FEM1A: variants seen among roughly 807,000 people sequenced by gnomAD.
The protein encoded by FEM1A is protein fem-1 homolog A.
Under a neutral mutation model 0.7 loss-of-function variants are expected in FEM1A, and 1 was observed. The ratio of observed to expected loss-of-function variants is 1.35; its 90% CI spans 0.48 to 6.40. The LOEUF (loss-of-function observed/expected upper bound fraction) is 6.40, where lower values mean the gene tolerates loss of function less well. Ranked by LOEUF, FEM1A falls within the 30% of genes most tolerant of loss-of-function variation. FEM1A has a pLI of 0.14. For missense variants in FEM1A, 721 were observed against 918.7 expected, an observed-to-expected ratio of 0.78 and a Z score of 2.78; for synonymous variants, 391 against 420.6, an observed-to-expected ratio of 0.93 and a Z score of 0.86.
Position 4,792,073 on chromosome 19 carries a change from G to A in FEM1A, c.219G>A (p.Ser73=), listed in dbSNP as rs1467625054. Residue 73 remains serine, a synonymous_variant, in exon 1 of 1, where the codon TCG becomes TCA. Coordinates refer to ENST00000269856, the MANE Select transcript of FEM1A (RefSeq NM_018708.3). This position sits in a 1 kb window ranked among gnomAD's most constrained non-coding sequence, Gnocchi z 6.7. The stretch of plus-strand genomic sequence containing the variant: ...GCGCGAGCGTGGAGGCCGGTGGCTC[G>A]GTGCACTTCGATGGCGAGACCATCG... ...RCGASVEAGG[S]VHFDGETIEG... is the part of the protein sequence containing the mutation. 1.4e-5 allele frequency: 21 copies of A among 1,533,202 alleles called. No individual in the cohort carries two copies. In the East Asian group the frequency reaches 2.5e-4, roughly 18 times the overall value. The allele number at this position is 1,533,202 out of a possible 1,614,324, so 95.0% of individuals were successfully genotyped here.
chr19:4,791,735 A>C lies in FEM1A; in HGVS notation c.-120A>C, dbSNP rs947901195. On this transcript the variant is annotated 5_prime_UTR_variant, in exon 1 of 1. Transcript: ENST00000269856. ...CGCGGCAGCCATTTTGTTCCGCCCG[A>C]GGAGACCCTAAGATGGCGGCGAGGG... The C allele has an allele frequency of 2.8e-6, 3 of 1,075,258 alleles. No individual in the cohort carries two copies. In the African/African-American group the frequency reaches 5.1e-5, roughly 18 times the overall value. 66.6% of individuals were successfully genotyped at this position (1,075,258 alleles called of 1,614,324 possible).
rs2093566614 is a variant in FEM1A, at chr19:4,799,976, ATAGTAAAATGACTAC to A, written c.*6113_*6127del. ...TGGAGGGTAGCAAAAAATGTTCACA[ATAGTAAAATGACTAC>A]CTGCCGTTGATCAGTGAAGAAAAAA... On this transcript the variant is annotated 3_prime_UTR_variant, in exon 1 of 1. Coordinates refer to ENST00000269856, the MANE Select transcript of FEM1A (RefSeq NM_018708.3). 6.6e-6 allele frequency: 1 copy of A among 150,706 alleles called. No individual in the cohort carries two copies. The highest frequency in any genetic ancestry group is 2.4e-5 in the African/African-American group (1 of 41,044). 9.3% of individuals were successfully genotyped at this position (150,706 alleles called of 1,614,324 possible). A position where few individuals can be genotyped will look rare whatever the true frequency, so the allele number is the denominator to read the frequency against.
rs2093557258 is a variant in FEM1A at position 4,793,470 on chromosome 19, T to C, written c.1616T>C (p.Leu539Pro). 3.1e-6 allele frequency: 5 copies of C among 1,612,478 alleles called. No individual in the cohort carries two copies. The highest frequency in any genetic ancestry group is 4.2e-6 in the Non-Finnish European group (5 of 1,179,862). The change falls in exon 1 of 1, where the codon CTG becomes CCG. Residue 539 changes from leucine to proline, a missense_variant. Physicochemically the swap from Leu to Pro is moderately conservative, Grantham distance 98. This residue lies in a region of FEM1A where 379 missense variants were observed against 454.8 expected (regional missense o/e 0.83). Transcript: ENST00000269856. This position sits in a 1 kb window ranked among gnomAD's most constrained non-coding sequence, Gnocchi z 5.1. Reference protein sequence around the residue: ...APRGKNGFTPLHMAVDKDTTN... With the variant: ...APRGKNGFTPPHMAVDKDTTN... ...AGGGGCAAGAACGGCTTCACCCCTC[T>C]GCACATGGCTGTGGACAAGGACACC...
In FEM1A at chr19:4,795,240, G is replaced by C. The variant is rs2093559786; in HGVS notation, c.*1376G>C. On this transcript the variant is annotated 3_prime_UTR_variant, in exon 1 of 1. Coordinates refer to ENST00000269856, the MANE Select transcript of FEM1A (RefSeq NM_018708.3). ...CGGGAGCAGGTTCTTGGCCAGCGTA[G>C]ACAGCAGCAAACAGCAGCAGGGAAG... 1 of 167,108 alleles carries C rather than the reference G, an allele frequency of 6.0e-6. No individual in the cohort carries two copies. The highest frequency in any genetic ancestry group is 2.4e-5 in the African/African-American group (1 of 41,430). 10.4% of individuals were successfully genotyped at this position (167,108 alleles called of 1,614,324 possible).
chr19:4,796,729 C>G lies in FEM1A; in HGVS notation c.*2865C>G, dbSNP rs1416981303. On this transcript the variant is annotated 3_prime_UTR_variant, in exon 1 of 1. Coordinates refer to ENST00000269856, the MANE Select transcript of FEM1A (RefSeq NM_018708.3). ...GTCCGGTTAATCCCTGTGCGCCCGC[C>G]TCACGTGGCAGTGGGGAGAGGCCCT... 1 of 152,408 alleles carries G rather than the reference C, an allele frequency of 6.6e-6. No individual in the cohort carries two copies. The highest frequency in any genetic ancestry group is 1.5e-5 in the Non-Finnish European group (1 of 68,194). 9.4% of individuals were successfully genotyped at this position (152,408 alleles called of 1,614,324 possible).
rs756935237 is a variant in FEM1A at position 4,793,214 on chromosome 19, A to G, written c.1360A>G (p.Ser454Gly). The G allele has an allele frequency of 1.2e-6, 2 of 1,613,540 alleles. No individual in the cohort carries two copies. The highest frequency in any genetic ancestry group is 8.5e-7 in the Non-Finnish European group (1 of 1,180,042). ...YVLQDRAAKG[S>G]LGTQIGFADL... is the part of the protein sequence containing the mutation. Reference sequence around the variant, plus strand: ...GCTTCAGGACCGGGCCGCCAAAGGCAGCCTGGGCACCCAGATCGGCTTTGC... The same window carrying G: ...GCTTCAGGACCGGGCCGCCAAAGGCGGCCTGGGCACCCAGATCGGCTTTGC... The change falls in exon 1 of 1, where the codon AGC becomes GGC. Residue 454 changes from serine (S) to glycine (G), a missense_variant. Ser to Gly is a moderately conservative substitution (Grantham distance 56, BLOSUM62 0). Transcript: ENST00000269856. This position sits in a 1 kb window ranked among gnomAD's most constrained non-coding sequence, Gnocchi z 5.1.
In FEM1A at chr19:4,792,352, C is replaced by T. The variant is rs1210688322; in HGVS notation, c.498C>T (p.Ala166=). The T allele has an allele frequency of 1.9e-6, 3 of 1,594,746 alleles. No individual in the cohort carries two copies. Among genetic ancestry groups the T allele is most frequent in the South Asian group, 2.2e-5 (2 of 90,866 alleles). ...GCTACAAGGGCCACCGTGAGATCGC[C>T]CGCTACCTGCTGGAGCAGGGCGCCC... ...ISCYKGHREI[A]RYLLEQGAQV... The change falls in exon 1 of 1, where the codon GCC becomes GCT. Residue 166 remains alanine, a synonymous_variant. Transcript: ENST00000269856. The surrounding 1 kb of genome is among the most constrained non-coding windows in gnomAD (Gnocchi z 6.7).
rs1391906082 is a variant in FEM1A at position 4,795,304 on chromosome 19, G to C, written c.*1440G>C. On this transcript the variant is annotated 3_prime_UTR_variant, in exon 1 of 1. Transcript: ENST00000269856. ...ATCCTCCCTGCAGTAGCCACGGCCA[G>C]GCCCTTAGGAGGAGCAGTGACCGGG... 3.0e-5 allele frequency: 5 copies of C among 166,834 alleles called. No homozygotes were observed. The East Asian group carries it at 9.7e-4, about 32-fold the overall frequency. The allele number at this position is 166,834 out of a possible 1,614,324, so 10.3% of individuals were successfully genotyped here.
In FEM1A at chr19:4,797,770, C is replaced by CAAAAAAAAAAAAAAAAAAAAAAAAAAAAA. The variant is rs761810690; in HGVS notation, c.*3927_*3928insAAAAAAAAAAAAAAAAAAAAAAAAAAAAA. 1.3e-5 allele frequency: 1 copy of CAAAAAAAAAAAAAAAAAAAAAAAAAAAAA among 76,476 alleles called. No homozygotes were observed. 4.7% of individuals were successfully genotyped at this position (76,476 alleles called of 1,614,324 possible). A position where few individuals can be genotyped will look rare whatever the true frequency, so the allele number is the denominator to read the frequency against. On this transcript the variant is annotated 3_prime_UTR_variant, in exon 1 of 1. Coordinates refer to ENST00000269856, the MANE Select transcript of FEM1A (RefSeq NM_018708.3). The stretch of plus-strand genomic sequence containing the variant: ...GCAGCAAAGTGAGATCCTGTCTCTA[C>CAAAAAAAAAAAAAAAAAAAAAAAAAAAAA]AAAAAAAAAAAAAAAAAAAAATTAG...
Position 4,798,488 on chromosome 19 carries a change from T to C in FEM1A, c.*4624T>C, listed in dbSNP as rs2005788. ...AGCCAGGCATGGTGGTGGGCGCTTG[T>C]AGTCCCAGCTACTCGGGAGGCTGAG... On this transcript the variant is annotated 3_prime_UTR_variant, in exon 1 of 1. Coordinates refer to ENST00000269856, the MANE Select transcript of FEM1A (RefSeq NM_018708.3). The C allele has an allele frequency of 0.33, 49,471 of 150,516 alleles. 8,396 individuals carry two copies. The highest frequency in any genetic ancestry group is 0.42 in the African/African-American group (17,238 of 40,890). 9.3% of individuals were successfully genotyped at this position (150,516 alleles called of 1,614,324 possible). A position where few individuals can be genotyped will look rare whatever the true frequency, so the allele number is the denominator to read the frequency against.
At position 4,791,921 on chromosome 19, in the gene FEM1A, C is replaced by T; in HGVS notation, c.67C>T (p.Leu23Phe). The change falls in exon 1 of 1, where the codon CTC becomes TTC. Residue 23 changes from leucine to phenylalanine, a missense_variant. Physicochemically the swap from Leu to Phe is conservative, Grantham distance 22 (BLOSUM62 0). Around this residue, in one of 4 missense-constraint regions of FEM1A, gnomAD observed 195 missense variants for 316.9 expected, o/e 0.62. Transcript: ENST00000269856. The stretch of plus-strand genomic sequence containing the variant: ...CAAGCTGCAGCTGCTCCAGAAGCTG[C>T]TCAGCGGCCGGAGCCGGGAGGAACT... The part of the protein sequence containing the change: ...DGKLQLLQKL[L>F]SGRSREELDE... The T allele has an allele frequency of 6.6e-7, 1 of 1,525,742 alleles. No individual in the cohort carries two copies. The highest frequency in any genetic ancestry group is 8.7e-7 in the Non-Finnish European group (1 of 1,143,348). 94.5% of individuals were successfully genotyped at this position (1,525,742 alleles called of 1,614,324 possible). A position where few individuals can be genotyped will look rare whatever the true frequency, so the allele number is the denominator to read the frequency against.
At position 4,793,231 on chromosome 19, in the gene FEM1A, C is replaced by T. The variant is rs768734615; in HGVS notation, c.1377C>T (p.Ile459=). The T allele has an allele frequency of 3.1e-6, 5 of 1,613,458 alleles. No individual in the cohort carries two copies. The highest frequency in any genetic ancestry group is 1.1e-5 in the South Asian group (1 of 91,084). ...RAAKGSLGTQ[I]GFADLMGVLT... ...CCAAAGGCAGCCTGGGCACCCAGAT[C>T]GGCTTTGCAGACCTCATGGGGGTTC... Residue 459 remains isoleucine, a synonymous_variant, in exon 1 of 1, where the codon ATC becomes ATT. Transcript: ENST00000269856. This position sits in a 1 kb window ranked among gnomAD's most constrained non-coding sequence, Gnocchi z 5.1.
In FEM1A at chr19:4,793,251, G is replaced by T; in HGVS notation, c.1397G>T (p.Gly466Val). 1 of 1,613,400 alleles carries T rather than the reference G, an allele frequency of 6.2e-7. No individual in the cohort carries two copies. Among genetic ancestry groups the T allele is most frequent in the South Asian group, 1.1e-5 (1 of 91,080 alleles). Residue 466 changes from glycine to valine, a missense_variant, in exon 1 of 1, where the codon GGG becomes GTG. By Grantham distance (109) the Gly-to-Val change is moderately radical (BLOSUM62 -3). This residue lies in a region of FEM1A where 379 missense variants were observed against 454.8 expected (regional missense o/e 0.83). Transcript: ENST00000269856. The surrounding 1 kb of genome is among the most constrained non-coding windows in gnomAD (Gnocchi z 5.1). Reference protein sequence around the residue: ...GTQIGFADLMGVLTKGVREVE... With the variant: ...GTQIGFADLMVVLTKGVREVE... ...CAGATCGGCTTTGCAGACCTCATGG[G>T]GGTTCTCACCAAAGGGGTCCGGGAA...
rs1347889380 is a variant in FEM1A at position 4,800,003 on chromosome 19, C to G, written c.*6139C>G. 1 of 147,386 alleles carries G rather than the reference C, an allele frequency of 6.8e-6. No individual in the cohort carries two copies. The highest frequency in any genetic ancestry group is 2.0e-4 in the East Asian group (1 of 5,032). The allele number at this position is 147,386 out of a possible 1,614,324, so 9.1% of individuals were successfully genotyped here. A position where few individuals can be genotyped will look rare whatever the true frequency, so the allele number is the denominator to read the frequency against. ...AGTAAAATGACTACCTGCCGTTGAT[C>G]AGTGAAGAAAAAAGCTCAGAGAGCT... On this transcript the variant is annotated 3_prime_UTR_variant, in exon 1 of 1. Transcript: ENST00000269856.
rs2093558012 is a variant in FEM1A, at chr19:4,793,922, C to T, written c.*58C>T. ...CCTCTCCTGCTGAGATGGGGGAAAT[C>T]CGGCTGCGGCATAGCAGATGCTCGT... On this transcript the variant is annotated 3_prime_UTR_variant, in exon 1 of 1. Transcript: ENST00000269856. The surrounding 1 kb of genome is among the most constrained non-coding windows in gnomAD (Gnocchi z 5.1). The T allele has an allele frequency of 4.0e-6, 6 of 1,510,642 alleles. No homozygotes were observed. The African/African-American group carries it at 6.9e-5, about 17-fold the overall frequency. The allele number at this position is 1,510,642 out of a possible 1,614,324, so 93.6% of individuals were successfully genotyped here. A position where few individuals can be genotyped will look rare whatever the true frequency, so the allele number is the denominator to read the frequency against.
At position 4,800,475 on chromosome 19, in the gene FEM1A, T is replaced by G. The variant is rs918080909; in HGVS notation, c.*6611T>G. The G allele has an allele frequency of 1.3e-5, 2 of 152,302 alleles. No homozygotes were observed. The highest frequency in any genetic ancestry group is 2.9e-5 in the Non-Finnish European group (2 of 68,090). 9.4% of individuals were successfully genotyped at this position (152,302 alleles called of 1,614,324 possible). ...CAGAACTGAAGTCGGGACCTGGAGT[T>G]CTGCTCATTCGCTCATCTACTCAGT... On this transcript the variant is annotated 3_prime_UTR_variant, in exon 1 of 1. Coordinates refer to ENST00000269856, the MANE Select transcript of FEM1A (RefSeq NM_018708.3).
Position 4,798,476 on chromosome 19 carries a change from G to A in FEM1A, c.*4612G>A, listed in dbSNP as rs1345083417. On this transcript the variant is annotated 3_prime_UTR_variant, in exon 1 of 1. Coordinates refer to ENST00000269856, the MANE Select transcript of FEM1A (RefSeq NM_018708.3). ...GCACAAAAAATTAGCCAGGCATGGT[G>A]GTGGGCGCTTGTAGTCCCAGCTACT... is the stretch of plus-strand genomic sequence containing the variant. 6.6e-6 allele frequency: 1 copy of A among 150,684 alleles called. No homozygotes were observed. The highest frequency in any genetic ancestry group is 1.5e-5 in the Non-Finnish European group (1 of 67,776). 9.3% of individuals were successfully genotyped at this position (150,684 alleles called of 1,614,324 possible).
rs1206325686 is a variant in FEM1A, at chr19:4,795,473, C to T, written c.*1609C>T. 1 of 166,624 alleles carries T rather than the reference C, an allele frequency of 6.0e-6. No individual in the cohort carries two copies. Among genetic ancestry groups the T allele is most frequent in the Admixed American group, 6.6e-5 (1 of 15,202 alleles). 10.3% of individuals were successfully genotyped at this position (166,624 alleles called of 1,614,324 possible). On this transcript the variant is annotated 3_prime_UTR_variant, in exon 1 of 1. Coordinates refer to ENST00000269856, the MANE Select transcript of FEM1A (RefSeq NM_018708.3). The stretch of plus-strand genomic sequence containing the variant: ...GTGGGAAATGGTGTCCCTGTCCCTC[C>T]CAAAGCACAGAGCACAGAAATGAGG...
Position 4,792,969 on chromosome 19 carries a change from T to G in FEM1A, c.1115T>G (p.Met372Arg). ...ALITDPDEMR[M>R]QALLIRERIL... ...ATCACCGACCCGGATGAGATGCGCATGCAGGCCCTGTTGATCCGGGAGCGC... is the reference window on the plus strand; with the variant it reads ...ATCACCGACCCGGATGAGATGCGCAGGCAGGCCCTGTTGATCCGGGAGCGC... The change falls in exon 1 of 1, where the codon ATG (methionine) becomes AGG (arginine). Residue 372 changes from methionine (M) to arginine (R), a missense_variant. Around this residue, in one of 4 missense-constraint regions of FEM1A, gnomAD observed 379 missense variants for 454.8 expected, o/e 0.83. Transcript: ENST00000269856. The surrounding 1 kb of genome is among the most constrained non-coding windows in gnomAD (Gnocchi z 6.7). The G allele has an allele frequency of 6.2e-7, 1 of 1,612,906 alleles. No individual in the cohort carries two copies. Among genetic ancestry groups the G allele is most frequent in the South Asian group, 1.1e-5 (1 of 91,020 alleles).
Sources: gnomAD v4.1 joint callset for allele counts on GRCh38, gnomAD v4.1.1 for gene constraint, gnomAD v4.1.1 regional missense constraint, Gnocchi (gnomAD v3.1) non-coding constraint, MANE v1.5 for transcripts, NCBI Gene and HGNC (gene_info 2026-07-23, HGNC 2026-07-21) for gene names.